LRIF1: variants seen among roughly 807,000 people sequenced by gnomAD.
The protein encoded by LRIF1 is ligand dependent nuclear receptor interacting factor 1.
A neutral mutation model predicts 52.7 loss-of-function variants in LRIF1; 32 were observed. That is an observed-to-expected ratio of 0.61 (90% CI 0.46 to 0.82). The LOEUF (loss-of-function observed/expected upper bound fraction) is 0.82, where lower values mean the gene tolerates loss of function less well. LRIF1 is among the 40% of genes least tolerant of loss of function. LRIF1 has a pLI of 0.00. For synonymous variants in LRIF1, 323 were observed against 317.4 expected (o/e 1.02, Z -0.19); for missense variants, 887 against 892.0 (o/e 0.99, Z 0.07).
the LRIF1 span, among the ~76,000 whole-genome samples, chr1:110,903,468 A>C: frequency 6.6e-5 from 10 of 152,174 alleles, no homozygotes; most frequent in Admixed American, 6.6e-4. Flanking sequence ...TCAGAGTTGT[A>C]AGGTCCCTGT....
At chr1:110,894,986 G>C in the LRIF1 span, 1 of 1,614,000 alleles carries the variant, frequency 6.2e-7, no homozygotes, top group Non-Finnish European at 8.5e-7. Context: ...CTAAGGGTCT[G>C]ACCGACAGCA....
At chr1:110,963,352 G>C in intron 1 of LRIF1, 1 of 274,926 alleles carries the variant, frequency 3.6e-6, no homozygotes, top group Non-Finnish European at 7.0e-6. Flanking sequence ...TTCATCTCCC[G>C]TGGAGATCTA....
At chr1:110,929,870 A>G in the LRIF1 span, among the ~76,000 whole-genome samples, 1 of 152,142 alleles carries the variant, frequency 6.6e-6, no homozygotes, top group Non-Finnish European at 1.5e-5. Flanking sequence ...GAGAGAAGGT[A>G]GGAGGAAAGA....
rs1383750220 is a variant in LRIF1, at chr1:110,952,289, A to G, written c.595T>C (p.Ser199Pro). The part of the protein sequence containing the change: ...AHAEVKSVPA[S>P]SLPPSVQQKI... Reference sequence around the variant, plus strand: ...TGCTGCACTGAAGGAGGCAATGATGACGCTGGTACAGATTTCACTTCAGCA... The same window carrying G: ...TGCTGCACTGAAGGAGGCAATGATGGCGCTGGTACAGATTTCACTTCAGCA... The change falls in exon 2 of 4, where the codon TCA (serine) becomes CCA (proline). Residue 199 changes from serine (S) to proline (P), a missense_variant. Coordinates refer to ENST00000369763, the MANE Select transcript of LRIF1 (RefSeq NM_018372.4). 1 of 1,614,160 alleles carries G rather than the reference A, an allele frequency of 6.2e-7. No individual in the cohort carries two copies. The highest frequency in any genetic ancestry group is 8.5e-7 in the Non-Finnish European group (1 of 1,180,008).
chr1:110,957,595 C>T (rs1192772238), intron 1 of LRIF1, among the ~76,000 whole-genome samples: 2 of 151,398 alleles, frequency 1.3e-5, no homozygotes, highest in Admixed American at 6.6e-5. Context: ...CTGGAATTGA[C>T]ATCAGTTCCA....
Position 110,952,716 on chromosome 1 carries a change from T to A in LRIF1, c.168A>T (p.Ile56=). The change falls in exon 2 of 4, where the codon ATA becomes ATT. Residue 56 remains isoleucine, a synonymous_variant. Coordinates refer to ENST00000369763, the MANE Select transcript of LRIF1 (RefSeq NM_018372.4). ...LPIPKSSGNL[I]PLVQSSVMSD... ...ACATGACTGAAGATTGAACTAGTGG[T>A]ATAAGATTTCCAGAAGACTTAGGAA... 6.2e-7 allele frequency: 1 copy of A among 1,613,992 alleles called. No individual in the cohort carries two copies. Among genetic ancestry groups the A allele is most frequent in the Non-Finnish European group, 8.5e-7 (1 of 1,179,936 alleles).
At chr1:110,892,623 C>T in the LRIF1 span, 1 of 1,043,378 alleles carries the variant, frequency 9.6e-7, no homozygotes, top group Non-Finnish European at 1.4e-6. Flanking sequence ...CACTTATAGG[C>T]ACAGAAAGAT....
intron 1 of LRIF1, chr1:110,963,260 C>G (rs1329352167): frequency 1.8e-5 from 3 of 166,392 alleles, no homozygotes; most frequent in Non-Finnish European, 1.3e-5. Context: ...CTTGCTAATC[C>G]GTGCTGACTG....
At chr1:110,914,868 T>G in the LRIF1 span, among the ~76,000 whole-genome samples, 2 of 152,186 alleles carry the variant, frequency 1.3e-5, no homozygotes, top group Non-Finnish European at 2.9e-5. Context: ...GTGGAAATGT[T>G]TCATGGTACA....
the LRIF1 span, among the ~76,000 whole-genome samples, chr1:110,890,111 T>A: frequency 2.1e-4 from 32 of 152,268 alleles, no homozygotes; most frequent in Admixed American, 6.5e-4. Flanking sequence ...ACCTTGAAAC[T>A]GCAAAGGAGA....
chr1:110,954,891 T>C (rs944030881), intron 1 of LRIF1, among the ~76,000 whole-genome samples: 2 of 152,246 alleles, frequency 1.3e-5, no homozygotes, highest in African/African-American at 4.8e-5. Flanking sequence ...CTTTCAAATG[T>C]TGGGAGTTTA....
At chr1:110,963,530 A>C in intron 1 of LRIF1, 91 bp downstream of exon 1, 2 of 1,123,384 alleles carry the variant, frequency 1.8e-6, no homozygotes, top group Non-Finnish European at 1.3e-6. Context: ...AACTCCTCTC[A>C]ACTACACAGC....
downstream of LRIF1, chr1:110,944,538 G>C (rs2101098490): frequency 6.6e-6 from 1 of 152,340 alleles, no homozygotes; most frequent in East Asian, 1.9e-4. Flanking sequence ...ACCGTGGACT[G>C]AGTCCTCAGG....
chr1:110,898,116 G>A, the LRIF1 span, among the ~76,000 whole-genome samples: 39 of 152,112 alleles, frequency 2.6e-4, no homozygotes, highest in Admixed American at 6.5e-4. Flanking sequence ...GGTGGCTCAC[G>A]CCTGTAATCC....
downstream of LRIF1, among the ~76,000 whole-genome samples, chr1:110,946,363 A>G (rs983282338): frequency 2.6e-5 from 4 of 152,206 alleles, no homozygotes; most frequent in African/African-American, 9.6e-5. Context: ...GCTAATGGGT[A>G]TAAGGTTTGT....
the LRIF1 span, chr1:110,899,488 C>T: frequency 3.4e-6 from 1 of 292,174 alleles, no homozygotes. Context: ...TTTAATGGCC[C>T]AACATCAAAG....
chr1:110,941,276 G>A, the LRIF1 span: 1 of 151,992 alleles, frequency 6.6e-6, no homozygotes, highest in African/African-American at 2.4e-5. Flanking sequence ...ATAGTCACAT[G>A]TATATTTCTT....
At chr1:110,949,723 T>G in intron 3 of LRIF1, 128 bp downstream of exon 3, 1 of 1,044,264 alleles carries the variant, frequency 9.6e-7, no homozygotes, top group Non-Finnish European at 1.4e-6. Flanking sequence ...TTTGGTATTA[T>G]GTATTTGCAA....
the LRIF1 span, chr1:110,899,357 C>T: frequency 1.8e-6 from 1 of 558,076 alleles, no homozygotes; most frequent in Non-Finnish European, 3.2e-6. Context: ...GTTGGCCAGG[C>T]ACATCCCATC....
Sources: allele counts gnomAD v4.1 joint callset (sites outside exome capture counted in the v4.1 genomes callset), GRCh38; gene constraint gnomAD v4.1.1; transcripts MANE v1.5; gene names NCBI Gene and HGNC (gene_info 2026-07-23, HGNC 2026-07-21).